The following VSTM1 variants were observed in gnomAD, a reference collection of about 807,000 sequenced individuals.
The protein encoded by VSTM1 is V-set and transmembrane domain-containing protein 1.
In VSTM1, 27 loss-of-function variants were observed where a neutral mutation model predicts 33.1. That is an observed-to-expected ratio of 0.82 (90% CI 0.60 to 1.12). The LOEUF is 1.12. Ranked by LOEUF, VSTM1 falls within the 50% of genes most tolerant of loss-of-function variation. VSTM1 has a pLI of 0.00. For synonymous variants in VSTM1, 115 were observed against 110.3 expected (o/e 1.04, Z -0.27); for missense variants, 304 against 288.9 (o/e 1.05, Z -0.38).
chr19:54,061,685 G>A (rs2071400447), intron 1 of VSTM1, among the ~76,000 whole-genome samples: 1 of 152,106 alleles, frequency 6.6e-6, no homozygotes, highest in Non-Finnish European at 1.5e-5. Context: ...ACATGGTGGT[G>A]TGCACCTGTA....
chr19:54,044,782 A>G (rs1223846826), intron 4 of VSTM1, among the ~76,000 whole-genome samples: 1 of 152,198 alleles, frequency 6.6e-6, no homozygotes, highest in African/African-American at 2.4e-5. Flanking sequence ...TTGTGTCCAA[A>G]GCTCACAGCG....
At chr19:54,042,148 T>C (rs764100314) in intron 6 of VSTM1, 21 bp downstream of exon 6, 10 of 1,613,628 alleles carry the variant, frequency 6.2e-6, no homozygotes, top group Non-Finnish European at 8.5e-6. Flanking sequence ...AAGTGGAGCA[T>C]GAGCTATGCC....
chr19:54,051,478 AC>A lies in VSTM1; in HGVS notation c.356-31del, dbSNP rs1418429208. 5.7e-6 allele frequency: 9 copies of A among 1,580,268 alleles called. No homozygotes were observed. In the African/African-American group the frequency reaches 9.6e-5, roughly 17 times the overall value. ...AAAATAGGAGGGAAGAAAAGGAATT[AC>A]ACTAATCATACAGGAACCTTGGGGA... is the stretch of plus-strand genomic sequence containing the variant. On this transcript the variant is annotated intron_variant, in intron 3 of 8. Coordinates refer to ENST00000338372, the MANE Select transcript of VSTM1 (RefSeq NM_198481.4).
intron 4 of VSTM1, among the ~76,000 whole-genome samples, chr19:54,042,762 A>G (rs1360963818): frequency 1.0e-4 from 15 of 144,646 alleles, no homozygotes; most frequent in Non-Finnish European, 2.1e-4. Context: ...GTGTGTGTAT[A>G]TATATATATA....
rs1221480564 is a variant in VSTM1 at position 54,063,635 on chromosome 19, A to G, written c.34+109T>C. 5.7e-6 allele frequency: 8 copies of G among 1,397,562 alleles called. No individual in the cohort carries two copies. The African/African-American group carries it at 1.0e-4, about 18-fold the overall frequency. The allele number at this position is 1,397,562 out of a possible 1,614,324, so 86.6% of individuals were successfully genotyped here. On this transcript the variant is annotated intron_variant, in intron 1 of 8. Coordinates refer to ENST00000338372, the MANE Select transcript of VSTM1 (RefSeq NM_198481.4). ...CAGACCCACCCACCGCAGGTGTGCA[A>G]CACCTGGAAGTCATTACTTCCACAC...
At chr19:54,043,696 GCCAC>G (rs2070433829) in intron 4 of VSTM1, among the ~76,000 whole-genome samples, 1 of 152,204 alleles carries the variant, frequency 6.6e-6, no homozygotes, top group East Asian at 1.9e-4. Context: ...ACAGGCGTGA[GCCAC>G]CACACCCAGC....
chr19:54,063,135 C>T (rs1346672097), intron 1 of VSTM1, among the ~76,000 whole-genome samples: 8 of 151,838 alleles, frequency 5.3e-5, no homozygotes, highest in East Asian at 1.9e-4. Flanking sequence ...GTCAGGGGCT[C>T]GAGACCAGCC....
rs141201995 is a variant in VSTM1 at position 54,044,854 on chromosome 19, C to T, written c.395-2485G>A. 5.8e-3 allele frequency among the ~76,000 whole-genome samples: 885 copies of T among 152,242 alleles called. 4 individuals carry two copies. The highest frequency in any genetic ancestry group is 0.02 in the African/African-American group (832 of 41,544). ...CGACAGAGTCCATGCAGTTCCCCCC[C>T]GTTTTTTGTTTTTCTTGGCACTTTA... On this transcript the variant is annotated intron_variant, in intron 4 of 8. Transcript: ENST00000338372.
At chr19:54,054,513 C>T (rs1359180819) in intron 3 of VSTM1, among the ~76,000 whole-genome samples, 1 of 142,840 alleles carries the variant, frequency 7.0e-6, no homozygotes, top group Admixed American at 7.2e-5. Context: ...GCTACTTCTA[C>T]ACTACACTGA....
In VSTM1 at chr19:54,042,416, C is replaced by G. The variant is rs771088250; in HGVS notation, c.395-47G>C. ...AGGGAATCAGCCTGGCTCCTGAAAT[C>G]CACTGATAGGGGCGAGCCGAAAAGC... On this transcript the variant is annotated intron_variant, in intron 4 of 8. Transcript: ENST00000338372. 4 of 1,593,940 alleles carry G rather than the reference C, an allele frequency of 2.5e-6. No homozygotes were observed. The African/African-American group carries it at 5.4e-5, about 21-fold the overall frequency.
At chr19:54,049,991 A>ATTTTTTTTTTTTTTTTTTTTTTTTTTT in intron 4 of VSTM1, among the ~76,000 whole-genome samples, 1 of 99,120 alleles carries the variant, frequency 1.0e-5, no homozygotes, top group Non-Finnish European at 1.9e-5. Flanking sequence ...TAACTTTTTA[A>ATTTTTTTTTTTTTTTTTTTTTTTTTTT]TTTTTTTTTT....
intron 3 of VSTM1, among the ~76,000 whole-genome samples, chr19:54,052,415 AAAAATAAAAATG>A (rs1450038189): frequency 1.4e-5 from 2 of 140,346 alleles, no homozygotes; most frequent in African/African-American, 2.6e-5. Flanking sequence ...AAATAAAAAT[AAAAATAAAAATG>A]AAATGAAATA....
intron 4 of VSTM1, among the ~76,000 whole-genome samples, chr19:54,045,548 A>G (rs1471961160): frequency 6.6e-6 from 1 of 152,050 alleles, no homozygotes; most frequent in Non-Finnish European, 1.5e-5. Context: ...CTATCTACCG[A>G]CTTACCTATC....
intron 1 of VSTM1, among the ~76,000 whole-genome samples, chr19:54,061,902 T>C (rs1180101774): frequency 6.6e-6 from 1 of 151,960 alleles, no homozygotes; most frequent in African/African-American, 2.4e-5. Context: ...ACGCCTGTAA[T>C]CTCAACAGTT....
intron 4 of VSTM1, among the ~76,000 whole-genome samples, chr19:54,044,281 G>A (rs928596866): frequency 5.9e-5 from 9 of 152,284 alleles, no homozygotes; most frequent in African/African-American, 9.6e-5. Context: ...ACCAGTGGCC[G>A]GGCACGGTGG....
At chr19:54,052,076 A>G (rs1018634805) in intron 3 of VSTM1, among the ~76,000 whole-genome samples, 2 of 152,008 alleles carry the variant, frequency 1.3e-5, no homozygotes, top group African/African-American at 4.8e-5. Context: ...TTCTATCTCC[A>G]CAGTGGCACC....
In VSTM1 at chr19:54,042,212, G is replaced by A. The variant is rs1300319817; in HGVS notation, c.488-16C>T. ...GATGATGAACCTACAAAAAATGCAG[G>A]AGGAATTTACCTACCGAGAAAATCC... On this transcript the variant is annotated splice_polypyrimidine_tract_variant and intron_variant, in intron 5 of 8. Coordinates refer to ENST00000338372, the MANE Select transcript of VSTM1 (RefSeq NM_198481.4). 1 of 1,613,894 alleles carries A rather than the reference G, an allele frequency of 6.2e-7. No individual in the cohort carries two copies. Among genetic ancestry groups the A allele is most frequent in the Non-Finnish European group, 8.5e-7 (1 of 1,179,988 alleles).
chr19:54,053,850 C>T (rs1430559424), intron 3 of VSTM1, among the ~76,000 whole-genome samples: 1 of 142,326 alleles, frequency 7.0e-6, no homozygotes, highest in Non-Finnish European at 1.5e-5. Flanking sequence ...TTTTTAATTA[C>T]TCTGATAGCT....
chr19:54,042,813 T>TATATATAC (rs1314060324), intron 4 of VSTM1, among the ~76,000 whole-genome samples: 1 of 48,374 alleles, frequency 2.1e-5, no homozygotes, highest in Non-Finnish European at 5.7e-5. Context: ...TGTGTATATA[T>TATATATAC]ATATATATAT....
Sources: gnomAD v4.1 joint callset for allele counts (sites outside exome capture counted in the v4.1 genomes callset) on GRCh38, gnomAD v4.1.1 for gene constraint, MANE v1.5 for transcripts, NCBI Gene and HGNC (gene_info 2026-07-23, HGNC 2026-07-21) for gene names.